Variants in WT1 observed in about 807,000 individuals in gnomAD.
The protein encoded by WT1 is WT1 transcription factor.
A neutral mutation model predicts 60.8 loss-of-function variants in WT1; 8 were observed. That is an observed-to-expected ratio of 0.13 (90% confidence interval 0.08 to 0.24). The LOEUF is 0.24. Ranked by LOEUF, WT1 falls within the 10% of genes least tolerant of loss-of-function variation. The pLI is 1.00. For synonymous variants in WT1, 312 were observed against 297.1 expected (o/e 1.05, Z -0.52); for missense variants, 568 against 711.8 (o/e 0.80, Z 2.30).
At chr11:32,427,201 G>A (rs917543260) in intron 3 of WT1, among the ~76,000 whole-genome samples, 1 of 152,234 alleles carries the variant, frequency 6.6e-6, no homozygotes, top group African/African-American at 2.4e-5. Context: ...CAGTTACTAG[G>A]CAACCCTATC....
At chr11:32,425,729 A>G (rs72893506) in intron 3 of WT1, among the ~76,000 whole-genome samples, 12,833 of 152,242 alleles carry the variant, frequency 0.084, 637 homozygotes, top group African/African-American at 0.14. Flanking sequence ...TACTTGGGAA[A>G]TTTTCTGTGA....
At position 32,435,501 on chromosome 11, in the gene WT1, G is replaced by C. The variant is rs908892987; in HGVS notation, c.-141C>G. On this transcript the variant is annotated 5_prime_UTR_variant, in exon 1 of 10. Coordinates refer to ENST00000452863, the MANE Select transcript of WT1 (RefSeq NM_024426.6). ...GCGGTCGGGTTGCGGAGAGCCCCCG[G>C]GTGTGGGCGCTGCCTTGAACTCCTT... 7.5e-7 allele frequency: 1 copy of C among 1,342,108 alleles called. No homozygotes were observed. The highest frequency in any genetic ancestry group is 2.5e-5 in the East Asian group (1 of 39,254). 83.1% of individuals were successfully genotyped at this position (1,342,108 alleles called of 1,614,324 possible). A position where few individuals can be genotyped will look rare whatever the true frequency, so the allele number is the denominator to read the frequency against.
chr11:32,426,454 C>T (rs1853039181), intron 3 of WT1, among the ~76,000 whole-genome samples: 2 of 152,188 alleles, frequency 1.3e-5, no homozygotes, highest in African/African-American at 4.8e-5. Flanking sequence ...GCGAATCCTG[C>T]CCCCATTCCA....
intron 5 of WT1, 155 bp from the exon 6 acceptor site, chr11:32,400,199 G>T: frequency 1.1e-6 from 1 of 881,476 alleles, no homozygotes; most frequent in Non-Finnish European, 1.8e-6. Context: ...TTAGATGCAG[G>T]GTTCTGCGGA....
intron 7 of WT1, among the ~76,000 whole-genome samples, chr11:32,393,990 A>T (rs1851893371): frequency 6.6e-6 from 1 of 152,146 alleles, no homozygotes; most frequent in South Asian, 2.1e-4. Context: ...AACCGTGGGC[A>T]CAAGCAATCC....
intron 5 of WT1, among the ~76,000 whole-genome samples, chr11:32,408,514 T>TAAAAAAA (rs58685266): frequency 5.0e-4 from 37 of 74,218 alleles, no homozygotes; most frequent in Non-Finnish European, 8.5e-4. Flanking sequence ...GACTACGTCT[T>TAAAAAAA]AAAAAAAAAA....
chr11:32,393,230 A>C (rs1482483579), intron 7 of WT1, among the ~76,000 whole-genome samples: 1 of 152,234 alleles, frequency 6.6e-6, no homozygotes, highest in East Asian at 1.9e-4. Flanking sequence ...TTAGGGCCCA[A>C]AGATCTGGTG....
intron 5 of WT1, among the ~76,000 whole-genome samples, chr11:32,402,913 G>A (rs747040788): frequency 1.2e-4 from 18 of 152,154 alleles, no homozygotes; most frequent in South Asian, 4.1e-4. Flanking sequence ...TTCTGCCATC[G>A]AAGGGTAAAA....
chr11:32,402,514 A>G lies in WT1; in HGVS notation c.1017-2470T>C, dbSNP rs572983306. 2.6e-4 allele frequency among the ~76,000 whole-genome samples: 40 copies of G among 152,362 alleles called. 2 individuals are homozygous for G. The highest frequency in any genetic ancestry group is 2.6e-3 in the Admixed American group (40 of 15,304). ...AAGAGAAGCTGCCTTTGCTTGCTTC[A>G]GTCATCTGCATGGAGCCACAATGTG... On this transcript the variant is annotated intron_variant, in intron 5 of 9. Transcript: ENST00000452863.
intron 1 of WT1, chr11:32,430,605 T>A: frequency 6.3e-7 from 1 of 1,579,686 alleles, no homozygotes; most frequent in East Asian, 2.3e-5. Flanking sequence ...GCTCCGCAAC[T>A]GTCCGTGCCC....
chr11:32,393,734 T>C (rs1282692053), intron 7 of WT1, among the ~76,000 whole-genome samples: 2 of 152,322 alleles, frequency 1.3e-5, no homozygotes, highest in East Asian at 3.9e-4. Flanking sequence ...GGGTGTCTCC[T>C]TCTTCTGCAA....
chr11:32,398,165 T>C (rs1352077011), intron 6 of WT1, among the ~76,000 whole-genome samples: 1 of 152,080 alleles, frequency 6.6e-6, no homozygotes, highest in Non-Finnish European at 1.5e-5. Context: ...GGCTTGGGAG[T>C]AGGGAGCACA....
At chr11:32,411,951 G>T (rs537901276) in intron 5 of WT1, among the ~76,000 whole-genome samples, 1 of 152,328 alleles carries the variant, frequency 6.6e-6, no homozygotes, top group East Asian at 1.9e-4. Flanking sequence ...TTGTTGCTGG[G>T]GGTGGAGATG....
At chr11:32,393,350 A>C (rs1378850125) in intron 7 of WT1, among the ~76,000 whole-genome samples, 1 of 152,200 alleles carries the variant, frequency 6.6e-6, no homozygotes, top group Non-Finnish European at 1.5e-5. Flanking sequence ...TGCTTTATCC[A>C]AGAGAAGTCA....
chr11:32,426,985 T>C (rs1469694448), intron 3 of WT1, among the ~76,000 whole-genome samples: 1 of 151,820 alleles, frequency 6.6e-6, no homozygotes, highest in East Asian at 1.9e-4. Context: ...CACTACCTCC[T>C]TCCCTTGACG....
intron 1 of WT1, among the ~76,000 whole-genome samples, chr11:32,432,905 C>T (rs1853360750): frequency 6.6e-6 from 1 of 152,216 alleles, no homozygotes; most frequent in Non-Finnish European, 1.5e-5. Context: ...GGCATGGATT[C>T]GATGGTTTCT....
At position 32,411,068 on chromosome 11, in the gene WT1, T is replaced by TACACACAC. The variant is rs10525221; in HGVS notation, c.1016+5414_1016+5421dup. ...TCTGATGTAACCTCTCCCTCTCCAA[T>TACACACAC]ACACACACACACACACACACACACA... On this transcript the variant is annotated intron_variant, in intron 5 of 9. Coordinates refer to ENST00000452863, the MANE Select transcript of WT1 (RefSeq NM_024426.6). Among the ~76,000 whole-genome samples, 193 of 145,792 alleles carry TACACACAC rather than the reference T, an allele frequency of 1.3e-3. 1 individual carries two copies. Among genetic ancestry groups the TACACACAC allele is most frequent in the African/African-American group, 4.2e-3 (166 of 39,514 alleles).
chr11:32,430,078 G>A (rs1021723685), intron 1 of WT1, among the ~76,000 whole-genome samples: 23 of 152,122 alleles, frequency 1.5e-4, no homozygotes, highest in African/African-American at 4.6e-4. Context: ...GGGAAGGAGG[G>A]GGCAAATCCT....
intron 3 of WT1, among the ~76,000 whole-genome samples, chr11:32,426,450 C>T (rs1482806972): frequency 6.6e-6 from 1 of 152,222 alleles, no homozygotes; most frequent in Non-Finnish European, 1.5e-5. Flanking sequence ...AGGTGCGAAT[C>T]CTGCCCCCAT....
Sources: gnomAD v4.1 joint callset for allele counts (sites outside exome capture counted in the v4.1 genomes callset) on GRCh38, gnomAD v4.1.1 for gene constraint, MANE v1.5 for transcripts, NCBI Gene and HGNC (gene_info 2026-07-23, HGNC 2026-07-21) for gene names.